The following PTPDC1 variants were observed in gnomAD, a reference collection of about 807,000 sequenced individuals.
PTPDC1 encodes the protein protein tyrosine phosphatase domain-containing protein 1.
Under a neutral mutation model 75.3 loss-of-function variants are expected in PTPDC1, and 53 were observed. The observed-to-expected ratio is 0.70, with a 90% confidence interval of 0.56 to 0.88. PTPDC1 has a LOEUF of 0.88. PTPDC1 is among the 40% of genes least tolerant of loss of function. The probability of loss-of-function intolerance (pLI) is 0.00; values close to 1 mark genes in which losing one functional copy is unlikely to be tolerated. For missense variants in PTPDC1, 925 were observed against 998.6 expected, an observed-to-expected ratio of 0.93 and a Z score of 0.99; for synonymous variants, 349 against 366.2, an observed-to-expected ratio of 0.95 and a Z score of 0.54.
chr9:94,055,816 C>A (rs111909525), intron 1 of PTPDC1, among the ~76,000 whole-genome samples: 9 of 152,202 alleles, frequency 5.9e-5, no homozygotes, highest in African/African-American at 2.2e-4. Flanking sequence ...AGTTGGAGCA[C>A]AGAAGATTTT....
chr9:94,102,558 G>C (rs992692879), intron 7 of PTPDC1, among the ~76,000 whole-genome samples: 2 of 151,754 alleles, frequency 1.3e-5, no homozygotes, highest in African/African-American at 4.8e-5. Flanking sequence ...TTTAAAACAG[G>C]GTTTGTTTTT....
In PTPDC1 at chr9:94,101,567, A is replaced by G. The variant is rs1827842490; in HGVS notation, c.2015A>G (p.Lys672Arg). 6.2e-7 allele frequency: 1 copy of G among 1,611,146 alleles called. No individual in the cohort carries two copies. Residue 672 changes from lysine (K) to arginine (R), a missense_variant and splice_region_variant, in exon 7 of 9, where the codon AAA becomes AGA. Lys to Arg is a conservative substitution (Grantham distance 26, BLOSUM62 2). Coordinates refer to ENST00000620992, the MANE Select transcript of PTPDC1 (RefSeq NM_001253829.2). Reference sequence around the variant, plus strand: ...CTGTCTCTTTCTCTTCCTTTTTAGAAAGAGCTTAATTCCCGAGATGGAGCT... The same window carrying G: ...CTGTCTCTTTCTCTTCCTTTTTAGAGAGAGCTTAATTCCCGAGATGGAGCT... ...ELKRKVEMWQ[K>R]ELNSRDGAWE...
chr9:94,076,461 T>C (rs1280895034), intron 2 of PTPDC1, among the ~76,000 whole-genome samples: 4 of 152,214 alleles, frequency 2.6e-5, no homozygotes, highest in Non-Finnish European at 5.9e-5. Context: ...TGTGATTGGC[T>C]TTTTTCACTT....
At chr9:94,083,001 T>G (rs1826935394), upstream of PTPDC1, among the ~76,000 whole-genome samples, 1 of 152,242 alleles carries the variant, frequency 6.6e-6, no homozygotes, top group South Asian at 2.1e-4. Flanking sequence ...GCCATGGACT[T>G]GTTTCTGCAG....
chr9:94,090,957 C>T (rs1329440794), intron 4 of PTPDC1, among the ~76,000 whole-genome samples: 5 of 152,120 alleles, frequency 3.3e-5, no homozygotes, highest in South Asian at 2.1e-4. Flanking sequence ...CTGAAGTTGC[C>T]TGTCAGCTTA....
intron 1 of PTPDC1, among the ~76,000 whole-genome samples, chr9:94,032,726 G>C (rs917955836): frequency 6.6e-6 from 1 of 152,010 alleles, no homozygotes; most frequent in African/African-American, 2.4e-5. Flanking sequence ...TCACTCTGTC[G>C]CCCAGTCTGG....
intron 1 of PTPDC1, among the ~76,000 whole-genome samples, chr9:94,033,293 C>T (rs952405747): frequency 6.6e-6 from 1 of 152,094 alleles, no homozygotes; most frequent in African/African-American, 2.4e-5. Context: ...ATATAAGTTA[C>T]TTATATATTT....
intron 1 of PTPDC1, among the ~76,000 whole-genome samples, chr9:94,035,434 G>A (rs775555494): frequency 1.3e-5 from 2 of 152,090 alleles, no homozygotes; most frequent in African/African-American, 4.8e-5. Context: ...TTGTACTTCT[G>A]TGCCTGGCTT....
At chr9:94,058,356 T>A (rs989345530) in intron 1 of PTPDC1, among the ~76,000 whole-genome samples, 1 of 152,024 alleles carries the variant, frequency 6.6e-6, no homozygotes, top group Non-Finnish European at 1.5e-5. Context: ...ATTATGATAG[T>A]ATGATTAAGA....
rs374367142 is a variant in PTPDC1, at chr9:94,046,479, A to G, written c.-7+15352A>G. 3.3e-5 allele frequency among the ~76,000 whole-genome samples: 5 copies of G among 152,326 alleles called. No homozygotes were observed. In the East Asian group the frequency reaches 9.6e-4, roughly 29 times the overall value. ...ATATTGATTCTTCCTACCTATGAGCATGGAATGTTCTTCCATTTGTTTGTA... is the reference window on the plus strand; with the variant it reads ...ATATTGATTCTTCCTACCTATGAGCGTGGAATGTTCTTCCATTTGTTTGTA... On this transcript the variant is annotated intron_variant, in intron 1 of 9. Coordinates refer to the PTPDC1 transcript ENST00000375360.
At chr9:94,066,918 A>G (rs913020087) in intron 2 of PTPDC1, among the ~76,000 whole-genome samples, 1 of 152,124 alleles carries the variant, frequency 6.6e-6, no homozygotes, top group Non-Finnish European at 1.5e-5. Flanking sequence ...TCAAACACAA[A>G]AGTATACAGA....
intron 1 of PTPDC1, among the ~76,000 whole-genome samples, chr9:94,036,670 C>G (rs919289451): frequency 2.6e-5 from 4 of 152,162 alleles, no homozygotes; most frequent in African/African-American, 4.8e-5. Context: ...TACTTCCTCT[C>G]TGTTCTATGT....
chr9:94,088,385 T>C, intron 4 of PTPDC1, 122 bp downstream of exon 4: 1 of 1,178,626 alleles, frequency 8.5e-7, no homozygotes, highest in South Asian at 1.7e-5. Flanking sequence ...TAGTAAGGTT[T>C]AGAAAAAATG....
At chr9:94,057,430 C>T (rs1334348953) in intron 1 of PTPDC1, among the ~76,000 whole-genome samples, 2 of 141,512 alleles carry the variant, frequency 1.4e-5, no homozygotes, top group East Asian at 2.0e-4. Context: ...GAATAGAATC[C>T]TTTACAAATT....
At chr9:94,049,553 C>G (rs1251085603) in intron 1 of PTPDC1, among the ~76,000 whole-genome samples, 2 of 152,238 alleles carry the variant, frequency 1.3e-5, no homozygotes, top group Non-Finnish European at 2.9e-5. Context: ...CCACTCTCTT[C>G]TGGCTTGTAG....
chr9:94,046,258 C>G (rs925150108), intron 1 of PTPDC1, among the ~76,000 whole-genome samples: 1 of 152,012 alleles, frequency 6.6e-6, no homozygotes, highest in Admixed American at 6.6e-5. Flanking sequence ...CCTTATAGTA[C>G]AGTTTGAAGT....
chr9:94,093,049 C>G (rs910646311), intron 4 of PTPDC1, among the ~76,000 whole-genome samples: 1 of 152,036 alleles, frequency 6.6e-6, no homozygotes, highest in African/African-American at 2.4e-5. Flanking sequence ...ATTTGCCAGT[C>G]TGTGTCTTTT....
intron 2 of PTPDC1, among the ~76,000 whole-genome samples, chr9:94,087,222 A>C (rs1827104758): frequency 6.6e-6 from 1 of 152,192 alleles, no homozygotes. Context: ...CAAATAATTT[A>C]TGTCTTGGAA....
At chr9:94,036,030 T>G (rs894198560) in intron 1 of PTPDC1, among the ~76,000 whole-genome samples, 6 of 145,082 alleles carry the variant, frequency 4.1e-5, no homozygotes, top group East Asian at 4.0e-4. Flanking sequence ...TTTGTTTTTT[T>G]TTTTGTTTTT....
Sources: allele counts gnomAD v4.1 joint callset (sites outside exome capture counted in the v4.1 genomes callset), GRCh38; gene constraint gnomAD v4.1.1; transcripts MANE v1.5; gene names NCBI Gene and HGNC (gene_info 2026-07-23, HGNC 2026-07-21).